ITPKB: variants seen among roughly 807,000 people sequenced by gnomAD.
The protein encoded by ITPKB is inositol-trisphosphate 3-kinase B, also known as IP3 3-kinase B.
A neutral mutation model predicts 69.4 loss-of-function variants in ITPKB; 13 were observed. That is an observed-to-expected ratio of 0.19 (90% CI 0.12 to 0.30). The LOEUF is 0.30. ITPKB is among the 10% of genes least tolerant of loss of function. The pLI is 1.00. For synonymous variants in ITPKB, 584 were observed against 513.7 expected, an observed-to-expected ratio of 1.14 and a Z score of -1.85; for missense variants, 1,240 against 1,250.5, an observed-to-expected ratio of 0.99 and a Z score of 0.13.
chr1:226,656,612 T>G (rs1669294255), intron 2 of ITPKB: 1 of 152,160 alleles, frequency 6.6e-6, no homozygotes. Context: ...CCTTGCAAAT[T>G]AAGGGCTGAA....
At chr1:226,661,792 C>G (rs769597742) in intron 2 of ITPKB, among the ~76,000 whole-genome samples, 11 of 152,320 alleles carry the variant, frequency 7.2e-5, no homozygotes, top group Non-Finnish European at 1.6e-4. Flanking sequence ...AGGTCAAGAG[C>G]CTATGGATCG....
intron 2 of ITPKB, among the ~76,000 whole-genome samples, chr1:226,708,978 G>T (rs1432367061): frequency 6.6e-6 from 1 of 152,146 alleles, no homozygotes; most frequent in Non-Finnish European, 1.5e-5. Flanking sequence ...AGAAGACACT[G>T]GTGAACACGA....
intron 2 of ITPKB, among the ~76,000 whole-genome samples, chr1:226,677,804 C>G (rs1173910110): frequency 6.6e-6 from 1 of 152,216 alleles, no homozygotes; most frequent in African/African-American, 2.4e-5. Flanking sequence ...ACATACATCA[C>G]AGGGCGTTCG....
In ITPKB at chr1:226,724,112, CCT is replaced by C. The variant is rs540184431; in HGVS notation, c.1932+11413_1932+11414del. 1.7e-3 allele frequency among the ~76,000 whole-genome samples: 261 copies of C among 152,196 alleles called. 1 individual carries two copies. The highest frequency in any genetic ancestry group is 2.9e-3 in the Non-Finnish European group (195 of 67,998). On this transcript the variant is annotated intron_variant, in intron 2 of 7. Coordinates refer to ENST00000429204, the MANE Select transcript of ITPKB (RefSeq NM_002221.4). ...ATCTCCTTTCATCTTCACAGCACCC[CCT>C]GAGAGAGGCTCATTATCCTCATGTT...
Position 226,695,590 on chromosome 1 carries a change from T to C in ITPKB, c.1932+39937A>G, listed in dbSNP as rs555088472. On this transcript the variant is annotated intron_variant, in intron 2 of 7. Transcript: ENST00000429204. ...CCCACCCAGGCCAGCTGCCCGAGCA[T>C]TGAACCCCGCCATCCTCTCTCTCTT... Among the ~76,000 whole-genome samples the C allele has an allele frequency of 2.0e-5, 3 of 152,266 alleles. No homozygotes were observed. In the East Asian group the frequency reaches 5.8e-4, roughly 29 times the overall value.
At chr1:226,688,306 T>C (rs1656260738) in intron 2 of ITPKB, among the ~76,000 whole-genome samples, 1 of 152,130 alleles carries the variant, frequency 6.6e-6, no homozygotes, top group Admixed American at 6.5e-5. Flanking sequence ...AAAGACGAAT[T>C]AGACAACATC....
chr1:226,708,409 C>G (rs958393555), intron 2 of ITPKB, among the ~76,000 whole-genome samples: 8 of 152,214 alleles, frequency 5.3e-5, no homozygotes, highest in Admixed American at 2.6e-4. Flanking sequence ...GAGCTACTCC[C>G]AGAGTCAATA....
Position 226,736,642 on chromosome 1 carries a change from T to A in ITPKB, c.817A>T (p.Met273Leu), listed in dbSNP as rs1372340400. 1.9e-6 allele frequency: 3 copies of A among 1,613,340 alleles called. No individual in the cohort carries two copies. Among genetic ancestry groups the A allele is most frequent in the African/African-American group, 2.7e-5 (2 of 74,948 alleles). The change falls in exon 2 of 8, where the codon ATG (methionine) becomes TTG (leucine). Residue 273 changes from methionine (M) to leucine (L), a missense_variant. Physicochemically the swap from Met to Leu is conservative, Grantham distance 15 (BLOSUM62 2). Coordinates refer to ENST00000429204, the MANE Select transcript of ITPKB (RefSeq NM_002221.4). ...GGAGAGCCCCTTTTGTCAATTTCCATAGCTGTGGGTGAGCCACAGCGGGGA... is the reference window on the plus strand; with the variant it reads ...GGAGAGCCCCTTTTGTCAATTTCCAAAGCTGTGGGTGAGCCACAGCGGGGA... ...ASPRCGSPTA[M>L]EIDKRGSPTP... is the part of the protein sequence containing the mutation.
At chr1:226,695,789 C>T (rs1656468297) in intron 2 of ITPKB, among the ~76,000 whole-genome samples, 2 of 151,982 alleles carry the variant, frequency 1.3e-5, no homozygotes, top group Admixed American at 6.6e-5. Flanking sequence ...GGAGAGGACA[C>T]GGGGGAGAAG....
chr1:226,641,866 C>A lies in ITPKB; in HGVS notation c.2451+55G>T, dbSNP rs752279823. 2.1e-5 allele frequency: 32 copies of A among 1,508,920 alleles called. No homozygotes were observed. Among genetic ancestry groups the A allele is most frequent in the Non-Finnish European group, 2.8e-5 (31 of 1,100,030 alleles). The allele number at this position is 1,508,920 out of a possible 1,614,324, so 93.5% of individuals were successfully genotyped here. A position where few individuals can be genotyped will look rare whatever the true frequency, so the allele number is the denominator to read the frequency against. ...CCAAAGGGCGCTGAGAGAAGCCAAG[C>A]CCCCTGAGGTGGGCACGGGTGGGGC... On this transcript the variant is annotated intron_variant, in intron 5 of 7. Coordinates refer to ENST00000429204, the MANE Select transcript of ITPKB (RefSeq NM_002221.4). The surrounding 1 kb of genome is among the most constrained non-coding windows in gnomAD (Gnocchi z 4.6).
rs1668961787 is a variant in ITPKB at position 226,641,544 on chromosome 1, C to G, written c.2451+377G>C. Among the ~76,000 whole-genome samples, 1 of 152,266 alleles carries G rather than the reference C, an allele frequency of 6.6e-6. No individual in the cohort carries two copies. Among genetic ancestry groups the G allele is most frequent in the Non-Finnish European group, 1.5e-5 (1 of 68,048 alleles). On this transcript the variant is annotated intron_variant, in intron 5 of 7. Coordinates refer to ENST00000429204, the MANE Select transcript of ITPKB (RefSeq NM_002221.4). The surrounding 1 kb of genome is among the most constrained non-coding windows in gnomAD (Gnocchi z 4.6). ...CATCAAAGGCGGTCAGCATGCTCCT[C>G]CCTTCCCCGAATTGTCTGCCAGTCC...
chr1:226,638,475 A>G (rs959453939), intron 6 of ITPKB, among the ~76,000 whole-genome samples: 13 of 152,164 alleles, frequency 8.5e-5, no homozygotes, highest in African/African-American at 3.1e-4. Flanking sequence ...ACTGTTCAGA[A>G]GGTGCCATTC....
intron 2 of ITPKB, among the ~76,000 whole-genome samples, chr1:226,702,758 G>A (rs1393795842): frequency 3.3e-5 from 5 of 152,176 alleles, no homozygotes; most frequent in African/African-American, 9.7e-5. Flanking sequence ...GGGAAGCCTG[G>A]GGCAGTGTGC....
rs1265871492 is a variant in ITPKB at position 226,736,019 on chromosome 1, G to A, written c.1440C>T (p.Pro480=). 1 of 1,613,786 alleles carries A rather than the reference G, an allele frequency of 6.2e-7. No homozygotes were observed. The highest frequency in any genetic ancestry group is 1.1e-5 in the South Asian group (1 of 91,088). Residue 480 remains proline, a synonymous_variant, in exon 2 of 8, where the codon CCC becomes CCT. Transcript: ENST00000429204. The part of the protein sequence containing the change: ...IPSGRMLEPL[P]CWDAAKDLKE... ...TCAGATCTTTCGCAGCGTCCCAACA[G>A]GGCAAAGGCTCCAGCATTCTGCCAG...
At chr1:226,655,979 T>G (rs1669280153) in intron 2 of ITPKB, among the ~76,000 whole-genome samples, 1 of 152,128 alleles carries the variant, frequency 6.6e-6, no homozygotes, top group African/African-American at 2.4e-5. Flanking sequence ...GCAGGCAACT[T>G]CTTGCTCCAC....
At chr1:226,733,537 A>C (rs1400551301) in intron 2 of ITPKB, among the ~76,000 whole-genome samples, 1 of 152,136 alleles carries the variant, frequency 6.6e-6, no homozygotes, top group East Asian at 1.9e-4. Flanking sequence ...CTAGGATCCC[A>C]TAATTTCCAG....
At chr1:226,712,504 A>G (rs1656986805) in intron 2 of ITPKB, among the ~76,000 whole-genome samples, 1 of 152,166 alleles carries the variant, frequency 6.6e-6, no homozygotes, top group African/African-American at 2.4e-5. Context: ...ACTTGCAAAC[A>G]CTTCCTACAT....
At chr1:226,729,334 T>C (rs1282701735) in intron 2 of ITPKB, among the ~76,000 whole-genome samples, 3 of 151,638 alleles carry the variant, frequency 2.0e-5, no homozygotes, top group Non-Finnish European at 4.4e-5. Context: ...ATACAAAAAT[T>C]ATCCGGGCAT....
rs1432832364 is a variant in ITPKB at position 226,736,708 on chromosome 1, G to T, written c.751C>A (p.Pro251Thr). ...AAPTGSEAQGPSAFVRMEKGI... is the reference protein window; with the variant it reads ...AAPTGSEAQGTSAFVRMEKGI... ...TTCTCCATCCTTACAAAAGCGGATGGACCCTGAGCCTCTGATCCTGTAGGG... is the reference window on the plus strand; with the variant it reads ...TTCTCCATCCTTACAAAAGCGGATGTACCCTGAGCCTCTGATCCTGTAGGG... Residue 251 changes from proline (P) to threonine (T), a missense_variant, in exon 2 of 8, where the codon CCA becomes ACA. By Grantham distance (38) the Pro-to-Thr change is conservative. Around this residue, in one of 2 missense-constraint regions of ITPKB, gnomAD observed 992 missense variants for 853.8 expected, o/e 1.16. Transcript: ENST00000429204. 5.6e-6 allele frequency: 9 copies of T among 1,612,712 alleles called. No individual in the cohort carries two copies. Among genetic ancestry groups the T allele is most frequent in the Non-Finnish European group, 7.6e-6 (9 of 1,179,748 alleles).
Sources: gnomAD v4.1 joint callset for allele counts (sites outside exome capture counted in the v4.1 genomes callset) on GRCh38, gnomAD v4.1.1 for gene constraint, gnomAD v4.1.1 regional missense constraint, Gnocchi (gnomAD v3.1) non-coding constraint, MANE v1.5 for transcripts, NCBI Gene and HGNC (gene_info 2026-07-23, HGNC 2026-07-21) for gene names.